RAPH1: variants seen among roughly 807,000 people sequenced by gnomAD.
RAPH1 encodes the protein Ras association (RalGDS/AF-6) and pleckstrin homology domains 1, also known as ras-associated and pleckstrin homology domains-containing protein 1.
In RAPH1, 18 loss-of-function variants were observed where a neutral mutation model predicts 88.1. That is an observed-to-expected ratio of 0.20 (90% CI 0.14 to 0.30). The LOEUF (loss-of-function observed/expected upper bound fraction) is 0.30. RAPH1 is among the 10% of genes least tolerant of loss of function. The pLI is 1.00. For missense variants in RAPH1, 1,448 were observed against 1,543.2 expected, an observed-to-expected ratio of 0.94 and a Z score of 1.03; for synonymous variants, 587 against 559.0, an observed-to-expected ratio of 1.05 and a Z score of -0.71.
chr2:203,465,627 C>CCTA (rs1559465109), intron 4 of RAPH1, among the ~76,000 whole-genome samples: 1 of 152,216 alleles, frequency 6.6e-6, no homozygotes, highest in Non-Finnish European at 1.5e-5. Context: ...GTGGCCCATG[C>CCTA]CTGTAATCCC....
intron 1 of RAPH1, among the ~76,000 whole-genome samples, chr2:203,501,612 A>G (rs573503884): frequency 1.1e-4 from 16 of 152,296 alleles, no homozygotes; most frequent in Non-Finnish European, 1.8e-4. Flanking sequence ...TTAAAAAAAT[A>G]AACATAATTT....
chr2:203,471,816 TAAA>T (rs1187672209), intron 4 of RAPH1, among the ~76,000 whole-genome samples: 2 of 85,660 alleles, frequency 2.3e-5, no homozygotes, highest in Admixed American at 1.1e-4. Context: ...ACCCATTCTT[TAAA>T]AAAAAAAAAA....
intron 4 of RAPH1, among the ~76,000 whole-genome samples, chr2:203,484,226 G>A (rs1687863826): frequency 6.6e-6 from 1 of 152,130 alleles, no homozygotes. Context: ...TTTGATGCTG[G>A]TACTTTCTTG....
intron 4 of RAPH1, among the ~76,000 whole-genome samples, chr2:203,487,761 T>G (rs1688040203): frequency 6.6e-6 from 1 of 152,120 alleles, no homozygotes; most frequent in African/African-American, 2.4e-5. Context: ...GAAAGTTTAT[T>G]CTTCAGATTG....
Position 203,535,140 on chromosome 2 carries a change from C to T in RAPH1, c.-30G>A, listed in dbSNP as rs1690560189. 1 of 152,314 alleles carries T rather than the reference C, an allele frequency of 6.6e-6. No individual in the cohort carries two copies. Among genetic ancestry groups the T allele is most frequent in the Non-Finnish European group, 1.5e-5 (1 of 68,206 alleles). The allele number at this position is 152,314 out of a possible 1,614,324, so 9.4% of individuals were successfully genotyped here. A position where few individuals can be genotyped will look rare whatever the true frequency, so the allele number is the denominator to read the frequency against. ...GCAGTCGGTCGGCCTTCCCGCGGCC[C>T]CGGGCAAGGAAACCGCCGCTCGCGC... On this transcript the variant is annotated 5_prime_UTR_variant, in exon 1 of 14. Coordinates refer to ENST00000319170, the MANE Select transcript of RAPH1 (RefSeq NM_213589.3).
intron 4 of RAPH1, among the ~76,000 whole-genome samples, chr2:203,465,207 A>G (rs1396407920): frequency 6.6e-6 from 1 of 152,248 alleles, no homozygotes; most frequent in Non-Finnish European, 1.5e-5. Context: ...GTTTATAGCA[A>G]CCTTATTCAT....
intron 10 of RAPH1, among the ~76,000 whole-genome samples, chr2:203,450,747 G>C (rs1047649876): frequency 1.3e-5 from 2 of 152,252 alleles, no homozygotes; most frequent in African/African-American, 4.8e-5. Context: ...GCAAGGTTCA[G>C]AGATCTCAGC....
chr2:203,524,704 G>C (rs951712706), intron 1 of RAPH1, among the ~76,000 whole-genome samples: 3 of 152,140 alleles, frequency 2.0e-5, no homozygotes, highest in Non-Finnish European at 4.4e-5. Flanking sequence ...ACAGATTGCC[G>C]TAAGACAGGG....
intron 1 of RAPH1, among the ~76,000 whole-genome samples, chr2:203,505,575 A>C (rs1688951803): frequency 6.6e-6 from 1 of 152,108 alleles, no homozygotes; most frequent in Non-Finnish European, 1.5e-5. Flanking sequence ...CTACAAAGAA[A>C]CCCCTAACAT....
intron 4 of RAPH1, among the ~76,000 whole-genome samples, chr2:203,486,958 T>C (rs1284649557): frequency 1.3e-5 from 2 of 152,210 alleles, no homozygotes; most frequent in Non-Finnish European, 2.9e-5. Context: ...TATTAAACAT[T>C]ATACCATTGA....
chr2:203,452,888 C>T (rs1348664103), intron 10 of RAPH1, among the ~76,000 whole-genome samples: 1 of 152,030 alleles, frequency 6.6e-6, no homozygotes, highest in Non-Finnish European at 1.5e-5. Flanking sequence ...GCAGAGGTTG[C>T]AGTGAGCCGA....
Position 203,489,566 on chromosome 2 carries a change from A to C in RAPH1, c.732+18T>G. On this transcript the variant is annotated intron_variant, in intron 4 of 13. Coordinates refer to ENST00000319170, the MANE Select transcript of RAPH1 (RefSeq NM_213589.3). ...ATTTTAATAACAAAATACCAGGGAA[A>C]AAGTTCCATTTATTTACCTCAGTAA... is the stretch of plus-strand genomic sequence containing the variant. 1 of 1,440,884 alleles carries C rather than the reference A, an allele frequency of 6.9e-7. No individual in the cohort carries two copies. The allele number at this position is 1,440,884 out of a possible 1,614,324, so 89.3% of individuals were successfully genotyped here. A position where few individuals can be genotyped will look rare whatever the true frequency, so the allele number is the denominator to read the frequency against.
intron 4 of RAPH1, among the ~76,000 whole-genome samples, chr2:203,488,077 TTTC>T (rs1315056943): frequency 6.6e-6 from 1 of 152,212 alleles, no homozygotes; most frequent in African/African-American, 2.4e-5. Context: ...TTGCCCCATT[TTTC>T]TTCTTTCTTG....
chr2:203,462,544 T>C (rs537201857), intron 4 of RAPH1, among the ~76,000 whole-genome samples: 12 of 152,352 alleles, frequency 7.9e-5, no homozygotes, highest in African/African-American at 2.6e-4. Context: ...TCATACAATG[T>C]AATCAATGTC....
In RAPH1 at chr2:203,439,580, G is replaced by A; in HGVS notation, c.3610C>T (p.Pro1204Ser). 1 of 1,614,144 alleles carries A rather than the reference G, an allele frequency of 6.2e-7. No homozygotes were observed. The highest frequency in any genetic ancestry group is 1.1e-5 in the South Asian group (1 of 91,082). The stretch of plus-strand genomic sequence containing the variant: ...TCAGACAGCAGTTCAGGGGGTGGTG[G>A]AGGCAATGCCATATCATCCATGGTG... ...TATMDDMALP[P>S]PPPELLSDQQ... Residue 1204 changes from proline (P) to serine (S), a missense_variant, in exon 14 of 14, where the codon CCA (proline) becomes TCA (serine). This residue lies in a region of RAPH1 where 935 missense variants were observed against 890.1 expected (regional missense o/e 1.05). Transcript: ENST00000319170.
chr2:203,437,252 A>G lies in RAPH1; in HGVS notation c.*2185T>C, dbSNP rs1431919911. Reference sequence around the variant, plus strand: ...TAGCGGGTACATTTTTTCCCCCTCAAGAAAAACTGAAGTGTTGTCTACCTT... The same window carrying G: ...TAGCGGGTACATTTTTTCCCCCTCAGGAAAAACTGAAGTGTTGTCTACCTT... On this transcript the variant is annotated 3_prime_UTR_variant, in exon 14 of 14. Transcript: ENST00000319170. 3 of 152,206 alleles carry G rather than the reference A, an allele frequency of 2.0e-5. No individual in the cohort carries two copies. The highest frequency in any genetic ancestry group is 2.9e-5 in the Non-Finnish European group (2 of 68,022). 9.4% of individuals were successfully genotyped at this position (152,206 alleles called of 1,614,324 possible).
At chr2:203,486,364 G>T (rs1687972233) in intron 4 of RAPH1, among the ~76,000 whole-genome samples, 1 of 152,152 alleles carries the variant, frequency 6.6e-6, no homozygotes, top group Non-Finnish European at 1.5e-5. Context: ...TATAAACACT[G>T]AATATGAGCT....
Position 203,461,236 on chromosome 2 carries a change from T to C in RAPH1, c.970+13A>G. The C allele has an allele frequency of 2.0e-6, 3 of 1,516,270 alleles. No homozygotes were observed. The highest frequency in any genetic ancestry group is 2.7e-6 in the Non-Finnish European group (3 of 1,126,114). The allele number at this position is 1,516,270 out of a possible 1,614,324, so 93.9% of individuals were successfully genotyped here. On this transcript the variant is annotated intron_variant, in intron 6 of 13. Coordinates refer to ENST00000319170, the MANE Select transcript of RAPH1 (RefSeq NM_213589.3). ...AAAAATTAGAAAGCAATTAAAGCAA[T>C]GATATTACTAACCCATTTGTAATTC...
intron 4 of RAPH1, among the ~76,000 whole-genome samples, chr2:203,484,563 G>GA (rs1286097503): frequency 5.3e-5 from 8 of 152,092 alleles, no homozygotes; most frequent in South Asian, 2.1e-4. Context: ...GGAAGATGTG[G>GA]AAAAAAAGCA....
Sources: allele counts gnomAD v4.1 joint callset (sites outside exome capture counted in the v4.1 genomes callset), GRCh38; gene constraint gnomAD v4.1.1; regional missense constraint gnomAD v4.1.1; transcripts MANE v1.5; gene names NCBI Gene and HGNC (gene_info 2026-07-23, HGNC 2026-07-21).